Variants in MYO3A observed in about 807,000 individuals in gnomAD.
The protein encoded by MYO3A is myosin-IIIa.
MYO3A carries 180 observed loss-of-function variants against 192.7 expected under a neutral mutation model. The ratio of observed to expected loss-of-function variants is 0.93; its 90% CI spans 0.83 to 1.06. The LOEUF is 1.06. MYO3A is among the 50% of genes least tolerant of loss of function. The pLI, the probability that MYO3A is intolerant of heterozygous loss-of-function variation, is 0.00. For missense variants in MYO3A, 1,896 were observed against 1,905.0 expected, an observed-to-expected ratio of 1.00 and a Z score of 0.09; for synonymous variants, 628 against 645.3, an observed-to-expected ratio of 0.97 and a Z score of 0.41.
At chr10:26,040,051 C>T (rs1221269509) in intron 10 of MYO3A, among the ~76,000 whole-genome samples, 1 of 151,798 alleles carries the variant, frequency 6.6e-6, no homozygotes, top group African/African-American at 2.4e-5. Flanking sequence ...CACTGTATTC[C>T]ATAGGTTATG....
At chr10:25,956,108 C>T (rs1004907668) in intron 4 of MYO3A, among the ~76,000 whole-genome samples, 2 of 152,052 alleles carry the variant, frequency 1.3e-5, no homozygotes, top group African/African-American at 4.8e-5. Flanking sequence ...GGCAAGAGAG[C>T]CCAACACTGT....
chr10:26,083,884 C>G lies in MYO3A; in HGVS notation c.1360-4319C>G, dbSNP rs111478140. Among the ~76,000 whole-genome samples the G allele has an allele frequency of 3.7e-3, 562 of 152,242 alleles. 1 individual carries two copies. Among genetic ancestry groups the G allele is most frequent in the Middle Eastern group, 0.01 (3 of 294 alleles). The stretch of plus-strand genomic sequence containing the variant: ...TATAATTGTAGGTAGCTCCTGTATT[C>G]TTTGGGAATGAAAATGGTGATGCCA... On this transcript the variant is annotated intron_variant, in intron 14 of 34. Transcript: ENST00000642920.
chr10:26,082,079 A>T (rs1024383789), intron 14 of MYO3A, among the ~76,000 whole-genome samples: 1 of 152,160 alleles, frequency 6.6e-6, no homozygotes, highest in African/African-American at 2.4e-5. Context: ...CCTGTCTCCC[A>T]TCTGCCATGA....
chr10:26,157,487 C>T lies in MYO3A; in HGVS notation c.2971C>T (p.Arg991Trp), dbSNP rs1841210801. 2.3e-5 allele frequency: 37 copies of T among 1,614,016 alleles called. No individual in the cohort carries two copies. The highest frequency in any genetic ancestry group is 2.9e-5 in the Non-Finnish European group (34 of 1,179,960). ...ARIRRLGFSH[R>W]ILFANFIKRY... is the part of the protein sequence containing the mutation. The stretch of plus-strand genomic sequence containing the variant: ...AATTCGAAGACTAGGATTCTCCCAT[C>T]GGATACTTTTTGCTAACTTTATAAA... Residue 991 changes from arginine to tryptophan, a missense_variant, in exon 26 of 35, where the codon CGG (arginine) becomes TGG (tryptophan). Physicochemically the swap from Arg to Trp is moderately radical, Grantham distance 101. Transcript: ENST00000642920.
intron 14 of MYO3A, among the ~76,000 whole-genome samples, chr10:26,081,603 C>A (rs1835964797): frequency 6.6e-6 from 1 of 152,190 alleles, no homozygotes; most frequent in Non-Finnish European, 1.5e-5. Flanking sequence ...CAAATTGTTA[C>A]AAAGTTCAGC....
intron 31 of MYO3A, among the ~76,000 whole-genome samples, chr10:26,179,833 TATTA>T (rs1429299601): frequency 1.3e-5 from 2 of 152,208 alleles, no homozygotes; most frequent in African/African-American, 2.4e-5. Context: ...CAATCTCAAT[TATTA>T]ATTAATTAAT....
chr10:26,050,445 A>C (rs1588862072), intron 10 of MYO3A, among the ~76,000 whole-genome samples: 1 of 152,336 alleles, frequency 6.6e-6, no homozygotes, highest in East Asian at 1.9e-4. Flanking sequence ...GGCTCTGGTA[A>C]TACAGCTCTA....
intron 6 of MYO3A, among the ~76,000 whole-genome samples, chr10:26,002,619 G>A (rs1041824578): frequency 6.6e-6 from 1 of 151,688 alleles, no homozygotes; most frequent in Admixed American, 6.6e-5. Flanking sequence ...GAGTCAGGGT[G>A]GACCAGGTAA....
chr10:26,053,278 T>A (rs2131299167), intron 10 of MYO3A, among the ~76,000 whole-genome samples: 1 of 152,206 alleles, frequency 6.6e-6, no homozygotes, highest in Admixed American at 6.5e-5. Context: ...ATAACCAGAG[T>A]GTAAAAATAA....
At chr10:26,055,793 C>T (rs920684333) in intron 10 of MYO3A, among the ~76,000 whole-genome samples, 1 of 152,172 alleles carries the variant, frequency 6.6e-6, no homozygotes, top group Non-Finnish European at 1.5e-5. Context: ...TTGTGAAGAT[C>T]ACAGTTGAAA....
chr10:26,028,421 A>T (rs1842657419), intron 10 of MYO3A, among the ~76,000 whole-genome samples: 1 of 152,226 alleles, frequency 6.6e-6, no homozygotes, highest in South Asian at 2.1e-4. Flanking sequence ...ATATACCTTT[A>T]ATGAGGAAGA....
At chr10:25,958,383 C>A (rs527549013) in intron 4 of MYO3A, among the ~76,000 whole-genome samples, 71 of 152,206 alleles carry the variant, frequency 4.7e-4, no homozygotes, top group Non-Finnish European at 9.1e-4. Flanking sequence ...TCAGCTTTGT[C>A]AAAGTTCAGA....
chr10:26,059,088 T>C (rs561103095), intron 10 of MYO3A, among the ~76,000 whole-genome samples: 10 of 152,206 alleles, frequency 6.6e-5, no homozygotes, highest in African/African-American at 1.2e-4. Context: ...GTTTTTATGC[T>C]GACTCTTTCA....
chr10:26,117,855 C>T (rs545078853), intron 17 of MYO3A, among the ~76,000 whole-genome samples: 1 of 152,218 alleles, frequency 6.6e-6, no homozygotes, highest in South Asian at 2.1e-4. Flanking sequence ...TGGGTATATA[C>T]CCAGTAATGG....
At chr10:25,947,129 C>G (rs927522231) in intron 2 of MYO3A, among the ~76,000 whole-genome samples, 22 of 151,480 alleles carry the variant, frequency 1.5e-4, no homozygotes, top group African/African-American at 5.3e-4. Context: ...TCTTTTTGCC[C>G]TTCAGATGAT....
In MYO3A at chr10:26,114,870, T is replaced by A. The variant is rs570821740; in HGVS notation, c.1777-5806T>A. Among the ~76,000 whole-genome samples, 4 of 152,180 alleles carry A rather than the reference T, an allele frequency of 2.6e-5. No individual in the cohort carries two copies. The East Asian group carries it at 5.8e-4, about 22-fold the overall frequency. On this transcript the variant is annotated intron_variant, in intron 17 of 34. Coordinates refer to ENST00000642920, the MANE Select transcript of MYO3A (RefSeq NM_017433.5). Reference sequence around the variant, plus strand: ...TTTCAATAAAATGTAGTAAATTCTATGAGAGCAGAGAATTTCACGGAAACA... The same window carrying A: ...TTTCAATAAAATGTAGTAAATTCTAAGAGAGCAGAGAATTTCACGGAAACA...
chr10:25,998,276 G>GT (rs1840575444), intron 6 of MYO3A, among the ~76,000 whole-genome samples: 1 of 152,146 alleles, frequency 6.6e-6, no homozygotes, highest in Non-Finnish European at 1.5e-5. Context: ...AGCTCAGCAA[G>GT]TTAATGGGTT....
chr10:26,166,377 C>A (rs138770806), intron 27 of MYO3A, 199 bp downstream of exon 27: 322 of 610,662 alleles, frequency 5.3e-4, no homozygotes, highest in African/African-American at 5.2e-3. Context: ...ATAAAGATTT[C>A]TTTTAAGAAA....
intron 2 of MYO3A, among the ~76,000 whole-genome samples, chr10:25,946,522 T>A (rs986047954): frequency 1.4e-5 from 2 of 138,980 alleles, no homozygotes; most frequent in African/African-American, 3.0e-5. Flanking sequence ...AAGTTTCCCT[T>A]TTTTTTTTTT....
Sources: gnomAD v4.1 joint callset for allele counts (sites outside exome capture counted in the v4.1 genomes callset) on GRCh38, gnomAD v4.1.1 for gene constraint, MANE v1.5 for transcripts, NCBI Gene and HGNC (gene_info 2026-07-23, HGNC 2026-07-21) for gene names.